CACNA2D1: variants seen among roughly 807,000 people sequenced by gnomAD.
CACNA2D1 encodes the protein calcium voltage-gated channel auxiliary subunit alpha2delta 1.
A neutral mutation model predicts 171.5 loss-of-function variants in CACNA2D1; 53 were observed. The observed-to-expected ratio is 0.31, with a 90% CI of 0.25 to 0.39. The LOEUF is 0.39. Ranked by LOEUF, CACNA2D1 falls within the 10% of genes least tolerant of loss-of-function variation. CACNA2D1 has a pLI of 1.00. For missense variants in CACNA2D1, 903 were observed against 1,299.8 expected (o/e 0.69, Z 4.69); for synonymous variants, 442 against 443.1 (o/e 1.00, Z 0.03).
intron 10 of CACNA2D1, among the ~76,000 whole-genome samples, chr7:82,047,335 C>T (rs1305512495): frequency 1.3e-5 from 2 of 152,136 alleles, no homozygotes; most frequent in African/African-American, 4.8e-5. Context: ...TTTACCAACA[C>T]TGTGAAGCAG....
intron 12 of CACNA2D1, among the ~76,000 whole-genome samples, chr7:82,026,659 G>A (rs1253495068): frequency 6.6e-6 from 1 of 151,580 alleles, no homozygotes; most frequent in Admixed American, 6.6e-5. Context: ...AATATCTGTG[G>A]GCTGCAGATC....
chr7:82,233,740 C>T (rs948322074), intron 3 of CACNA2D1, among the ~76,000 whole-genome samples: 3 of 151,998 alleles, frequency 2.0e-5, no homozygotes, highest in Non-Finnish European at 2.9e-5. Flanking sequence ...TAAAACAACT[C>T]GCAGAGAGTA....
At chr7:82,309,895 G>C (rs1489469172) in intron 3 of CACNA2D1, among the ~76,000 whole-genome samples, 1 of 152,116 alleles carries the variant, frequency 6.6e-6, no homozygotes, top group Non-Finnish European at 1.5e-5. Flanking sequence ...ATTCGCAAGG[G>C]TACCTGTGTC....
At chr7:81,972,181 T>C (rs1325680977) in intron 25 of CACNA2D1, among the ~76,000 whole-genome samples, 1 of 151,524 alleles carries the variant, frequency 6.6e-6, no homozygotes, top group Non-Finnish European at 1.5e-5. Flanking sequence ...TATTTCTGTA[T>C]GGTAGCATGG....
chr7:81,982,713 T>G (rs1796563146), intron 23 of CACNA2D1, 86 bp from the exon 24 acceptor site: 1 of 862,124 alleles, frequency 1.2e-6, no homozygotes, highest in Non-Finnish European at 2.0e-6. Context: ...ATGAGAAAGA[T>G]TACCTAATAA....
chr7:82,364,204 T>TA (rs1310899163), intron 1 of CACNA2D1, among the ~76,000 whole-genome samples: 1 of 152,056 alleles, frequency 6.6e-6, no homozygotes, highest in Non-Finnish European at 1.5e-5. Flanking sequence ...GCCTGGGTGA[T>TA]AGAGACCTGT....
chr7:82,005,390 A>T lies in CACNA2D1; in HGVS notation c.1590+33T>A, dbSNP rs1026002844. 5 of 1,253,992 alleles carry T rather than the reference A, an allele frequency of 4.0e-6. No homozygotes were observed. The African/African-American group carries it at 7.4e-5, about 19-fold the overall frequency. 77.7% of individuals were successfully genotyped at this position (1,253,992 alleles called of 1,614,324 possible). A position where few individuals can be genotyped will look rare whatever the true frequency, so the allele number is the denominator to read the frequency against. ...GAACATTAATCATTAATTCTACAAA[A>T]CACTAATCACTGTAAACAAATTATA... On this transcript the variant is annotated intron_variant, in intron 18 of 38. Transcript: ENST00000356860.
At chr7:82,142,646 T>C (rs1194927475) in intron 4 of CACNA2D1, among the ~76,000 whole-genome samples, 1 of 152,190 alleles carries the variant, frequency 6.6e-6, no homozygotes, top group African/African-American at 2.4e-5. Flanking sequence ...CTAATTCTCT[T>C]TCTTGGCTAT....
intron 3 of CACNA2D1, among the ~76,000 whole-genome samples, chr7:82,326,012 T>A (rs1441392533): frequency 6.6e-6 from 1 of 152,110 alleles, no homozygotes; most frequent in Non-Finnish European, 1.5e-5. Flanking sequence ...GGTGTGGGTA[T>A]GGGCATGAGT....
chr7:82,312,040 G>A (rs1249844684), intron 3 of CACNA2D1, among the ~76,000 whole-genome samples: 1 of 152,118 alleles, frequency 6.6e-6, no homozygotes, highest in Admixed American at 6.6e-5. Context: ...TAAACCTTAA[G>A]TGATTTTCAA....
chr7:82,310,434 T>C (rs375241568), intron 3 of CACNA2D1, among the ~76,000 whole-genome samples: 9 of 152,050 alleles, frequency 5.9e-5, no homozygotes, highest in Admixed American at 2.0e-4. Flanking sequence ...TAAATGGGCA[T>C]AGAAAGTTGA....
At chr7:81,981,446 G>A (rs1796438836) in intron 24 of CACNA2D1, among the ~76,000 whole-genome samples, 1 of 152,002 alleles carries the variant, frequency 6.6e-6, no homozygotes, top group South Asian at 2.1e-4. Flanking sequence ...TGTTAACAGA[G>A]ATTTTTCAAA....
chr7:82,143,242 A>T (rs1792600656), intron 4 of CACNA2D1, among the ~76,000 whole-genome samples: 1 of 152,216 alleles, frequency 6.6e-6, no homozygotes, highest in Non-Finnish European at 1.5e-5. Context: ...AAGTGCTACC[A>T]TATAACTGAA....
chr7:82,443,263 A>C (rs1320145984), intron 1 of CACNA2D1, 102 bp downstream of exon 1: 475 of 948,576 alleles, frequency 5.0e-4, no homozygotes, highest in Middle Eastern at 2.0e-3. Context: ...CTCGCTCCCC[A>C]CCCCCACGGG....
intron 1 of CACNA2D1, among the ~76,000 whole-genome samples, chr7:82,357,095 G>A (rs1236293794): frequency 6.6e-6 from 1 of 152,012 alleles, no homozygotes; most frequent in East Asian, 1.9e-4. Context: ...TACAGAAACA[G>A]CCCAAATTCT....
chr7:82,171,536 G>C lies in CACNA2D1; in HGVS notation c.295-927C>G, dbSNP rs190095384. Reference sequence around the variant, plus strand: ...AGACTCTTCTCCCATTCTCTCATGTGAGTAATGTGAAAGCCTGCCTCATGG... The same window carrying C: ...AGACTCTTCTCCCATTCTCTCATGTCAGTAATGTGAAAGCCTGCCTCATGG... On this transcript the variant is annotated intron_variant, in intron 3 of 38. Transcript: ENST00000356860. Among the ~76,000 whole-genome samples, 70 of 152,188 alleles carry C rather than the reference G, an allele frequency of 4.6e-4. 1 individual carries two copies. The highest frequency in any genetic ancestry group is 1.6e-3 in the African/African-American group (65 of 41,564).
At chr7:82,327,599 C>G (rs1816805555) in intron 3 of CACNA2D1, among the ~76,000 whole-genome samples, 1 of 152,138 alleles carries the variant, frequency 6.6e-6, no homozygotes, top group African/African-American at 2.4e-5. Context: ...AATCCCATTA[C>G]CAGGTTAGTA....
intron 10 of CACNA2D1, among the ~76,000 whole-genome samples, chr7:82,058,063 C>T (rs555185600): frequency 1.3e-5 from 2 of 152,204 alleles, no homozygotes; most frequent in East Asian, 3.9e-4. Context: ...CTGTTTTTCC[C>T]ACACACAGGG....
intron 20 of CACNA2D1, among the ~76,000 whole-genome samples, chr7:81,992,804 T>TA (rs1454322713): frequency 3.9e-5 from 6 of 152,178 alleles, no homozygotes; most frequent in African/African-American, 1.4e-4. Flanking sequence ...ATTAGCTTCT[T>TA]AAAAAAGTCA....
Sources: gnomAD v4.1 joint callset for allele counts (sites outside exome capture counted in the v4.1 genomes callset) on GRCh38, gnomAD v4.1.1 for gene constraint, MANE v1.5 for transcripts, NCBI Gene and HGNC (gene_info 2026-07-23, HGNC 2026-07-21) for gene names.